Variants in GRM5 observed in about 807,000 individuals in gnomAD.
GRM5 encodes the protein metabotropic glutamate receptor 5.
In GRM5, 19 loss-of-function variants were observed where a neutral mutation model predicts 83.1. The ratio of observed to expected loss-of-function variants is 0.23; its 90% CI spans 0.16 to 0.34. The LOEUF (loss-of-function observed/expected upper bound fraction) is 0.34, where lower values mean the gene tolerates loss of function less well. Ranked by LOEUF, GRM5 falls within the 10% of genes least tolerant of loss-of-function variation. The pLI, the probability that GRM5 is intolerant of heterozygous loss-of-function variation, is 1.00. For missense variants in GRM5, 1,160 were observed against 1,588.3 expected, an observed-to-expected ratio of 0.73 and a Z score of 4.58; for synonymous variants, 675 against 633.6, an observed-to-expected ratio of 1.07 and a Z score of -0.98.
intron 3 of GRM5, among the ~76,000 whole-genome samples, chr11:88,836,326 T>A (rs11021534): frequency 0.13 from 19,963 of 152,196 alleles, 2,854 homozygotes; most frequent in African/African-American, 0.36. Context: ...CGTACAAAAA[T>A]AGAATTCAGC....
intron 2 of GRM5, among the ~76,000 whole-genome samples, chr11:88,985,142 G>GT (rs1298220687): frequency 6.6e-6 from 1 of 151,952 alleles, no homozygotes. Context: ...ATCTCACCAT[G>GT]TTTTTTAAGA....
chr11:88,875,276 C>T (rs117698513), intron 2 of GRM5, among the ~76,000 whole-genome samples: 1 of 151,900 alleles, frequency 6.6e-6, no homozygotes, highest in African/African-American at 2.4e-5. Context: ...GTAGCAGATT[C>T]CATCTCAAAA....
At chr11:88,903,627 A>T (rs1402739537) in intron 2 of GRM5, among the ~76,000 whole-genome samples, 1 of 152,196 alleles carries the variant, frequency 6.6e-6, no homozygotes, top group Admixed American at 6.5e-5. Flanking sequence ...CCATTATCTT[A>T]AGTAAAACAA....
chr11:89,019,574 G>A (rs1166747801), intron 2 of GRM5, among the ~76,000 whole-genome samples: 1 of 151,694 alleles, frequency 6.6e-6, no homozygotes, highest in African/African-American at 2.4e-5. Context: ...TCGTGGTGGT[G>A]GGTGCCTGTA....
At chr11:88,983,527 G>A (rs1255510355) in intron 2 of GRM5, among the ~76,000 whole-genome samples, 1 of 152,108 alleles carries the variant, frequency 6.6e-6, no homozygotes, top group Non-Finnish European at 1.5e-5. Flanking sequence ...GGTGATGCTG[G>A]TGTACAAACC....
chr11:88,899,055 A>T (rs1195187088), intron 2 of GRM5, among the ~76,000 whole-genome samples: 1 of 151,850 alleles, frequency 6.6e-6, no homozygotes, highest in Non-Finnish European at 1.5e-5. Flanking sequence ...CATTCTCATT[A>T]TTGTTACTTG....
chr11:88,568,733 T>G (rs1436962365), intron 7 of GRM5, among the ~76,000 whole-genome samples: 3 of 151,816 alleles, frequency 2.0e-5, no homozygotes, highest in Non-Finnish European at 4.4e-5. Flanking sequence ...GATGTGGGAG[T>G]GTGTGAAAAG....
At chr11:88,817,850 G>T (rs1198098753) in intron 3 of GRM5, among the ~76,000 whole-genome samples, 1 of 152,060 alleles carries the variant, frequency 6.6e-6, no homozygotes. Flanking sequence ...ATCTCATGCT[G>T]ATAATCCACA....
chr11:88,612,943 C>A (rs35001392), intron 4 of GRM5: 32,845 of 152,096 alleles, frequency 0.22, 3,595 homozygotes, highest in Middle Eastern at 0.26. Flanking sequence ...GCTTTAATTT[C>A]ATTTTTTTAT....
chr11:88,866,158 G>C (rs1329283891), intron 2 of GRM5, among the ~76,000 whole-genome samples: 3 of 152,046 alleles, frequency 2.0e-5, no homozygotes, highest in Non-Finnish European at 4.4e-5. Context: ...CAATCCAAAT[G>C]TCCATCAGTG....
intron 1 of GRM5, among the ~76,000 whole-genome samples, chr11:89,049,655 A>G (rs1941715565): frequency 6.6e-6 from 1 of 152,196 alleles, no homozygotes; most frequent in Non-Finnish European, 1.5e-5. Context: ...TTCCTATGGC[A>G]ACAGAGAAAG....
chr11:89,008,022 C>A (rs775429598), intron 2 of GRM5, among the ~76,000 whole-genome samples: 1 of 152,074 alleles, frequency 6.6e-6, no homozygotes, highest in African/African-American at 2.4e-5. Flanking sequence ...AACTTCAATA[C>A]CATTGTATGT....
intron 2 of GRM5, among the ~76,000 whole-genome samples, chr11:88,890,013 T>G (rs1202736477): frequency 7.2e-5 from 11 of 152,144 alleles, no homozygotes; most frequent in Non-Finnish European, 1.5e-4. Flanking sequence ...AGGAGAGAGC[T>G]TTGATGTGTA....
chr11:89,065,197 AT>A (rs1470040542), intron 1 of GRM5, among the ~76,000 whole-genome samples: 1 of 151,362 alleles, frequency 6.6e-6, no homozygotes, highest in African/African-American at 2.4e-5. Context: ...AGCAACTGCC[AT>A]TAGCTCCCTC....
At chr11:88,722,517 G>T (rs1941570103) in intron 3 of GRM5, among the ~76,000 whole-genome samples, 1 of 152,122 alleles carries the variant, frequency 6.6e-6, no homozygotes, top group Non-Finnish European at 1.5e-5. Flanking sequence ...TCTCAGTGCA[G>T]CTGCTCTACT....
At chr11:88,648,340 C>T (rs1275928620) in intron 4 of GRM5, among the ~76,000 whole-genome samples, 1 of 147,658 alleles carries the variant, frequency 6.8e-6, no homozygotes, top group African/African-American at 2.5e-5. Context: ...ATGATGAGTT[C>T]ATGTCCTTTG....
intron 2 of GRM5, among the ~76,000 whole-genome samples, chr11:89,020,271 T>C (rs1483751969): frequency 1.3e-5 from 2 of 152,228 alleles, no homozygotes; most frequent in Non-Finnish European, 2.9e-5. Flanking sequence ...AATCTCATGT[T>C]TATAGCATCA....
At chr11:88,990,207 A>C (rs1939915844) in intron 2 of GRM5, among the ~76,000 whole-genome samples, 1 of 151,330 alleles carries the variant, frequency 6.6e-6, no homozygotes, top group African/African-American at 2.4e-5. Flanking sequence ...AGAAATACAA[A>C]CTACCATCAG....
chr11:89,005,432 A>C (rs1363938129), intron 2 of GRM5, among the ~76,000 whole-genome samples: 1 of 152,192 alleles, frequency 6.6e-6, no homozygotes, highest in Non-Finnish European at 1.5e-5. Flanking sequence ...TAGGGTCAGG[A>C]AAGTCAAGGT....
Sources: allele counts gnomAD v4.1 joint callset (sites outside exome capture counted in the v4.1 genomes callset), GRCh38; gene constraint gnomAD v4.1.1; transcripts MANE v1.5; gene names NCBI Gene and HGNC (gene_info 2026-07-23, HGNC 2026-07-21).